Variants in KCNJ6 observed in about 807,000 individuals in gnomAD.
The protein encoded by KCNJ6 is potassium inwardly rectifying channel subfamily J member 6.
KCNJ6 carries 9 observed loss-of-function variants against 34.2 expected under a neutral mutation model. That is an observed-to-expected ratio of 0.26 (90% CI 0.16 to 0.46). The LOEUF is 0.46. Ranked by LOEUF, KCNJ6 falls within the 20% of genes least tolerant of loss-of-function variation. The probability of loss-of-function intolerance (pLI) is 1.00; values close to 1 mark genes in which losing one functional copy is unlikely to be tolerated. For synonymous variants in KCNJ6, 196 were observed against 207.1 expected (o/e 0.95, Z 0.46); for missense variants, 236 against 531.3 (o/e 0.44, Z 5.46).
intron 2 of KCNJ6, among the ~76,000 whole-genome samples, chr21:37,839,924 C>T (rs576397865): frequency 6.6e-6 from 1 of 152,210 alleles, no homozygotes; most frequent in East Asian, 1.9e-4. Flanking sequence ...TTCCGAATAG[C>T]CATAATAGGG....
intron 2 of KCNJ6, among the ~76,000 whole-genome samples, chr21:37,835,677 G>A (rs1044355919): frequency 6.6e-6 from 1 of 152,208 alleles, no homozygotes; most frequent in African/African-American, 2.4e-5. Flanking sequence ...ATGATGGCAC[G>A]GTTTGGGTCA....
chr21:37,714,425 G>A lies in KCNJ6; in HGVS notation c.732C>T (p.Ser244=). 3 of 1,614,144 alleles carry A rather than the reference G, an allele frequency of 1.9e-6. No homozygotes were observed. The highest frequency in any genetic ancestry group is 2.5e-6 in the Non-Finnish European group (3 of 1,180,028). The stretch of plus-strand genomic sequence containing the variant: ...TGAACTCCCCCTCCGAGGTCTGTTT[G>A]GATTTGATCAACTTGGCTCTGATGG... The part of the protein sequence containing the change: ...EASIRAKLIK[S]KQTSEGEFIP... The change falls in exon 3 of 4, where the codon TCC becomes TCT. Residue 244 remains serine, a synonymous_variant. Transcript: ENST00000609713. This position sits in a 1 kb window ranked among gnomAD's most constrained non-coding sequence, Gnocchi z 5.9.
chr21:37,669,710 CAG>C (rs10583984), intron 3 of KCNJ6, among the ~76,000 whole-genome samples: 56,750 of 151,770 alleles, frequency 0.37, 10,683 homozygotes, highest in Admixed American at 0.42. Flanking sequence ...AGGAAATATG[CAG>C]AGACTCTGAA....
In KCNJ6 at chr21:37,617,014, T is replaced by TTC. The variant is rs1233635729; in HGVS notation, c.*8143_*8144dup. 3.6e-5 allele frequency: 1 copy of TTC among 27,880 alleles called. No homozygotes were observed. Among genetic ancestry groups the TTC allele is most frequent in the Admixed American group, 4.0e-4 (1 of 2,520 alleles). The allele number at this position is 27,880 out of a possible 1,614,324, so 1.7% of individuals were successfully genotyped here. A position where few individuals can be genotyped will look rare whatever the true frequency, so the allele number is the denominator to read the frequency against. Reference sequence around the variant, plus strand: ...TTCTTTCTTTCTCTTTCTTTTCTCTTTCTTTCTTTCTTTCTTTCTTTCTTT... The same window carrying TTC: ...TTCTTTCTTTCTCTTTCTTTTCTCTTTCTCTTTCTTTCTTTCTTTCTTTCTTT... On this transcript the variant is annotated 3_prime_UTR_variant, in exon 4 of 4. Coordinates refer to ENST00000609713, the MANE Select transcript of KCNJ6 (RefSeq NM_002240.5).
At chr21:37,796,033 G>A (rs927921836) in intron 2 of KCNJ6, among the ~76,000 whole-genome samples, 10 of 152,108 alleles carry the variant, frequency 6.6e-5, no homozygotes, top group Non-Finnish European at 8.8e-5. Flanking sequence ...CCGTTCTATG[G>A]GAGCCTGAGG....
intron 2 of KCNJ6, among the ~76,000 whole-genome samples, chr21:37,802,992 C>T (rs750598474): frequency 6.6e-6 from 1 of 152,196 alleles, no homozygotes; most frequent in African/African-American, 2.4e-5. Flanking sequence ...ACCTGTTTTA[C>T]CCACCAGTCT....
At chr21:37,713,270 TA>T (rs1399170483) in intron 3 of KCNJ6, among the ~76,000 whole-genome samples, 1 of 151,976 alleles carries the variant, frequency 6.6e-6, no homozygotes, top group Non-Finnish European at 1.5e-5. Context: ...GCTGAAGACT[TA>T]AAAGCGTAAA....
chr21:37,853,853 T>TATATATATGTATATAC (rs2055550603), intron 1 of KCNJ6, among the ~76,000 whole-genome samples: 1 of 142,292 alleles, frequency 7.0e-6, no homozygotes, highest in Non-Finnish European at 1.5e-5. Flanking sequence ...TATGTATATA[T>TATATATATGTATATAC]ATATATATAA....
chr21:37,756,272 A>T (rs1367189137), intron 2 of KCNJ6, among the ~76,000 whole-genome samples: 8 of 152,246 alleles, frequency 5.3e-5, no homozygotes, highest in Admixed American at 5.2e-4. Context: ...ACAGATGACC[A>T]TTCATTCCAT....
rs2054777405 is a variant in KCNJ6 at position 37,714,114 on chromosome 21, G to A, written c.946+97C>T. 5 of 851,534 alleles carry A rather than the reference G, an allele frequency of 5.9e-6. No individual in the cohort carries two copies. Among genetic ancestry groups the A allele is most frequent in the Non-Finnish European group, 1.9e-6 (1 of 527,462 alleles). 52.7% of individuals were successfully genotyped at this position (851,534 alleles called of 1,614,324 possible). On this transcript the variant is annotated intron_variant, in intron 3 of 3. Coordinates refer to ENST00000609713, the MANE Select transcript of KCNJ6 (RefSeq NM_002240.5). The surrounding 1 kb of genome is among the most constrained non-coding windows in gnomAD (Gnocchi z 5.9). ...AGGGGATGTTGTCAATATTGAGTGA[G>A]GTTCAGTATTCTAGATCTTGTAATA...
At chr21:37,689,196 T>C (rs1050270133) in intron 3 of KCNJ6, among the ~76,000 whole-genome samples, 3 of 152,192 alleles carry the variant, frequency 2.0e-5, no homozygotes, top group Non-Finnish European at 2.9e-5. Context: ...TCAAAAGCAG[T>C]CACTTTCTGG....
At chr21:37,796,488 C>T (rs77931262) in intron 2 of KCNJ6, among the ~76,000 whole-genome samples, 2,283 of 152,250 alleles carry the variant, frequency 0.015, 25 homozygotes, top group Non-Finnish European at 0.025. Flanking sequence ...ATTTCATTTG[C>T]GAGTTAGTTG....
chr21:37,705,704 A>C (rs1250215294), intron 3 of KCNJ6, among the ~76,000 whole-genome samples: 1 of 152,212 alleles, frequency 6.6e-6, no homozygotes, highest in Admixed American at 6.5e-5. Context: ...TCAAGAGTGG[A>C]GACAGAGTTT....
At chr21:37,631,621 A>C (rs1011086574) in intron 3 of KCNJ6, among the ~76,000 whole-genome samples, 1 of 152,180 alleles carries the variant, frequency 6.6e-6, no homozygotes, top group African/African-American at 2.4e-5. Context: ...TCTGAGGATA[A>C]ATTTTTCTGC....
chr21:37,656,275 C>T (rs565206123), intron 3 of KCNJ6, among the ~76,000 whole-genome samples: 164 of 152,276 alleles, frequency 1.1e-3, no homozygotes, highest in Admixed American at 3.7e-3. Flanking sequence ...GCTCAGGGTC[C>T]ACAGAATCTT....
Position 37,714,527 on chromosome 21 carries a change from C to A in KCNJ6, c.630G>T (p.Val210=). ...ACAGTTTCCCATCCCGCATGGAGAT[C>A]ACTGCATGGGTGGAAAAGACCAGGG... ...AETLVFSTHA[V]ISMRDGKLCL... Residue 210 remains valine, a synonymous_variant, in exon 3 of 4, where the codon GTG becomes GTT. Coordinates refer to ENST00000609713, the MANE Select transcript of KCNJ6 (RefSeq NM_002240.5). This position sits in a 1 kb window ranked among gnomAD's most constrained non-coding sequence, Gnocchi z 5.9. The A allele has an allele frequency of 6.2e-7, 1 of 1,614,164 alleles. No homozygotes were observed. The highest frequency in any genetic ancestry group is 1.6e-4 in the Middle Eastern group (1 of 6,062).
chr21:37,787,089 T>C (rs1274554956), intron 2 of KCNJ6, among the ~76,000 whole-genome samples: 2 of 152,332 alleles, frequency 1.3e-5, no homozygotes, highest in Non-Finnish European at 2.9e-5. Flanking sequence ...CTGGATTCTG[T>C]TCTCTTTTGT....
intron 1 of KCNJ6, 75 bp downstream of exon 1, chr21:37,915,809 G>A (rs925585552): frequency 3.3e-5 from 5 of 152,272 alleles, no homozygotes; most frequent in African/African-American, 1.2e-4. Context: ...GGGACGCGGG[G>A]ACCCGAGAGC....
intron 2 of KCNJ6, among the ~76,000 whole-genome samples, chr21:37,746,135 T>A (rs2054966627): frequency 6.6e-6 from 1 of 151,942 alleles, no homozygotes; most frequent in Non-Finnish European, 1.5e-5. Flanking sequence ...CCTCTCAAAG[T>A]CCCCAACTCC....
Sources: allele counts gnomAD v4.1 joint callset (sites outside exome capture counted in the v4.1 genomes callset), GRCh38; gene constraint gnomAD v4.1.1; non-coding constraint Gnocchi (gnomAD v3.1); transcripts MANE v1.5; gene names NCBI Gene and HGNC (gene_info 2026-07-23, HGNC 2026-07-21).